JMJD1C: variants seen among roughly 807,000 people sequenced by gnomAD.
JMJD1C encodes jumonji domain-containing protein 1C.
Under a neutral mutation model 245.3 loss-of-function variants are expected in JMJD1C, and 31 were observed. That is an observed-to-expected ratio of 0.13 (90% CI 0.09 to 0.17). JMJD1C has a LOEUF of 0.17. Among genes scored for constraint, JMJD1C ranks in the 10% least tolerant of loss-of-function variants. The probability of loss-of-function intolerance (pLI) is 1.00; values close to 1 mark genes in which losing one functional copy is unlikely to be tolerated. For synonymous variants in JMJD1C, 1,057 were observed against 1,017.4 expected (o/e 1.04, Z -0.74); for missense variants, 2,691 against 3,000.2 (o/e 0.90, Z 2.41).
intron 2 of JMJD1C, among the ~76,000 whole-genome samples, chr10:63,378,356 C>A (rs1026472765): frequency 1.3e-5 from 2 of 152,078 alleles, no homozygotes; most frequent in Non-Finnish European, 2.9e-5. Context: ...CTTTGGAGGG[C>A]CGAGGCGGGT....
intron 1 of JMJD1C, among the ~76,000 whole-genome samples, chr10:63,514,972 TA>T (rs1264320247): frequency 3.9e-5 from 6 of 152,014 alleles, no homozygotes; most frequent in African/African-American, 1.4e-4. Context: ...AAGCCTACAG[TA>T]AACAGGTGTT....
At chr10:63,347,717 A>G (rs954762670) in intron 2 of JMJD1C, among the ~76,000 whole-genome samples, 2 of 152,090 alleles carry the variant, frequency 1.3e-5, no homozygotes, top group Admixed American at 6.6e-5. Flanking sequence ...GTTCAAGACC[A>G]GCTTGGCCAA....
intron 2 of JMJD1C, among the ~76,000 whole-genome samples, chr10:63,348,718 T>C (rs1193781729): frequency 1.3e-5 from 2 of 152,258 alleles, no homozygotes; most frequent in East Asian, 1.9e-4. Context: ...TTGGAGGTGT[T>C]TGGGTCATGG....
intron 1 of JMJD1C, among the ~76,000 whole-genome samples, chr10:63,419,884 T>C (rs1589712705): frequency 7.1e-6 from 1 of 140,228 alleles, no homozygotes; most frequent in African/African-American, 2.6e-5. Context: ...ACACCTGTAA[T>C]CCCAGCACTT....
At chr10:63,395,856 T>C (rs1589663914) in intron 1 of JMJD1C, among the ~76,000 whole-genome samples, 2 of 152,160 alleles carry the variant, frequency 1.3e-5, no homozygotes, top group South Asian at 4.1e-4. Context: ...CTATACACTG[T>C]ATAATTCTAT....
At chr10:63,360,817 C>A (rs577034153) in intron 2 of JMJD1C, among the ~76,000 whole-genome samples, 2 of 151,934 alleles carry the variant, frequency 1.3e-5, no homozygotes, top group African/African-American at 4.8e-5. Flanking sequence ...CAGAGTCTCA[C>A]TCTGTCACCT....
chr10:63,255,019 A>G (rs1257997156), intron 3 of JMJD1C, among the ~76,000 whole-genome samples: 2 of 151,228 alleles, frequency 1.3e-5, no homozygotes, highest in African/African-American at 4.9e-5. Context: ...ATGCCCTGCT[A>G]ATTTTATTTT....
chr10:63,508,746 T>C (rs1308383439), intron 1 of JMJD1C, among the ~76,000 whole-genome samples: 1 of 152,214 alleles, frequency 6.6e-6, no homozygotes, highest in Non-Finnish European at 1.5e-5. Flanking sequence ...CTAATGTAAA[T>C]GGTATTGTGT....
chr10:63,303,321 G>A (rs775208849), intron 2 of JMJD1C, among the ~76,000 whole-genome samples: 26 of 152,052 alleles, frequency 1.7e-4, no homozygotes, highest in Non-Finnish European at 3.2e-4. Flanking sequence ...TGTTGTTGTT[G>A]TTCAGACGGA....
At chr10:63,246,219 T>C (rs1472250887) in intron 3 of JMJD1C, among the ~76,000 whole-genome samples, 1 of 151,942 alleles carries the variant, frequency 6.6e-6, no homozygotes, top group Non-Finnish European at 1.5e-5. Flanking sequence ...TAAAGGAAGG[T>C]CAGACATACC....
intron 1 of JMJD1C, among the ~76,000 whole-genome samples, chr10:63,451,766 A>G (rs766190542): frequency 1.3e-5 from 2 of 152,234 alleles, no homozygotes; most frequent in Admixed American, 6.5e-5. Context: ...AGATGAAGAC[A>G]GAGACCAGAG....
intron 2 of JMJD1C, among the ~76,000 whole-genome samples, chr10:63,358,069 G>C (rs573918125): frequency 6.6e-6 from 1 of 151,850 alleles, no homozygotes; most frequent in Non-Finnish European, 1.5e-5. Flanking sequence ...TGGCTGTTTT[G>C]AATTACAATA....
intron 2 of JMJD1C, among the ~76,000 whole-genome samples, chr10:63,357,991 G>A (rs181054632): frequency 3.3e-5 from 5 of 151,392 alleles, no homozygotes; most frequent in Admixed American, 3.3e-4. Flanking sequence ...TGTAGACGTG[G>A]CAACTGTATT....
intron 2 of JMJD1C, among the ~76,000 whole-genome samples, chr10:63,327,282 C>T (rs900769859): frequency 6.6e-6 from 1 of 152,174 alleles, no homozygotes; most frequent in African/African-American, 2.4e-5. Flanking sequence ...CTTAAAAATA[C>T]GTTTCTATGT....
chr10:63,360,450 A>C (rs1945230193), intron 2 of JMJD1C, among the ~76,000 whole-genome samples: 1 of 152,236 alleles, frequency 6.6e-6, no homozygotes, highest in Admixed American at 6.5e-5. Context: ...GATATGTTTT[A>C]ATCCAACCTT....
At position 63,455,342 on chromosome 10, in the gene JMJD1C, G is replaced by A. The variant is rs531660900; in HGVS notation, c.168+10153C>T. 5.5e-4 allele frequency among the ~76,000 whole-genome samples: 83 copies of A among 152,232 alleles called. 1 individual carries two copies. The South Asian group carries it at 5.6e-3, about 10-fold the overall frequency. On this transcript the variant is annotated intron_variant, in intron 1 of 25. Transcript: ENST00000399262. Reference sequence around the variant, plus strand: ...ACATGTTTCCTCCACAATTCTGCACGTTAAAGCTTAACCCTATCCACTGGG... The same window carrying A: ...ACATGTTTCCTCCACAATTCTGCACATTAAAGCTTAACCCTATCCACTGGG...
intron 5 of JMJD1C, 117 bp downstream of exon 5, chr10:63,217,090 A>G (rs1247311842): frequency 2.4e-5 from 22 of 905,436 alleles, no homozygotes; most frequent in African/African-American, 2.0e-4. Context: ...CTAGAATTAC[A>G]CGACTAAAAA....
intron 4 of JMJD1C, among the ~76,000 whole-genome samples, chr10:63,218,326 C>CA (rs2133258927): frequency 6.6e-6 from 1 of 152,018 alleles, no homozygotes; most frequent in South Asian, 2.1e-4. Flanking sequence ...ATATATAAAT[C>CA]AATGAACTGT....
chr10:63,382,825 A>T (rs1947317067), intron 1 of JMJD1C: 2 of 455,830 alleles, frequency 4.4e-6, no homozygotes, highest in Admixed American at 2.4e-5. Flanking sequence ...ATTTCCACTT[A>T]TTTGAATCAT....
Sources: allele counts gnomAD v4.1 joint callset (sites outside exome capture counted in the v4.1 genomes callset), GRCh38; gene constraint gnomAD v4.1.1; transcripts MANE v1.5; gene names NCBI Gene and HGNC (gene_info 2026-07-23, HGNC 2026-07-21).